Variants in NRIP2 observed in about 807,000 individuals in gnomAD.
NRIP2 encodes nuclear receptor-interacting protein 2.
In NRIP2, 27 loss-of-function variants were observed where a neutral mutation model predicts 34.1. The observed-to-expected ratio is 0.79, with a 90% CI of 0.58 to 1.09. NRIP2 has a LOEUF of 1.09. NRIP2 is among the 50% of genes least tolerant of loss of function. The pLI, the probability that NRIP2 is intolerant of heterozygous loss-of-function variation, is 0.00. For synonymous variants in NRIP2, 145 were observed against 146.9 expected (o/e 0.99, Z 0.09); for missense variants, 385 against 352.6 (o/e 1.09, Z -0.74).
chr12:2,827,134 A>G lies in NRIP2; in HGVS notation c.*73T>C. On this transcript the variant is annotated 3_prime_UTR_variant, in exon 6 of 6. Coordinates refer to ENST00000337508, the MANE Select transcript of NRIP2 (RefSeq NM_031474.3). The surrounding 1 kb of genome is among the most constrained non-coding windows in gnomAD (Gnocchi z 4.0). ...CATAGTCCCCAGCTACCTGGCTTCA[A>G]GAGCCCCCGTTCCCCACACGCCTCT... is the stretch of plus-strand genomic sequence containing the variant. 6.2e-7 allele frequency: 1 copy of G among 1,603,880 alleles called. No homozygotes were observed. The highest frequency in any genetic ancestry group is 8.5e-7 in the Non-Finnish European group (1 of 1,176,198).
intron 2 of NRIP2, among the ~76,000 whole-genome samples, chr12:2,829,298 T>TAGAC (rs10657946): frequency 0.31 from 47,269 of 151,806 alleles, 9,457 homozygotes; most frequent in African/African-American, 0.56. Context: ...CTTTGGGACA[T>TAGAC]AGACATTTTG....
At chr12:2,832,847 T>G (rs558455547) in intron 1 of NRIP2, among the ~76,000 whole-genome samples, 38 of 150,998 alleles carry the variant, frequency 2.5e-4, no homozygotes, top group Non-Finnish European at 5.5e-4. Context: ...GGGATTGTTT[T>G]TCTACCCTTA....
rs1603483776 is a variant in NRIP2 at position 2,827,692 on chromosome 12, T to G, written c.701-15A>C. The G allele has an allele frequency of 6.2e-7, 1 of 1,613,866 alleles. No homozygotes were observed. The highest frequency in any genetic ancestry group is 8.5e-7 in the Non-Finnish European group (1 of 1,180,046). On this transcript the variant is annotated splice_polypyrimidine_tract_variant and intron_variant, in intron 4 of 5. Coordinates refer to ENST00000337508, the MANE Select transcript of NRIP2 (RefSeq NM_031474.3). The surrounding 1 kb of genome is among the most constrained non-coding windows in gnomAD (Gnocchi z 4.0). Reference sequence around the variant, plus strand: ...ACTCTCAGCATCTATAGGAACAATTTGAAAACAGAAGAGGCTGAGGGTTCC... The same window carrying G: ...ACTCTCAGCATCTATAGGAACAATTGGAAAACAGAAGAGGCTGAGGGTTCC...
In NRIP2 at chr12:2,830,727, G is replaced by A; in HGVS notation, c.476C>T (p.Ala159Val). 6.2e-7 allele frequency: 1 copy of A among 1,612,912 alleles called. No homozygotes were observed. Among genetic ancestry groups the A allele is most frequent in the Non-Finnish European group, 8.5e-7 (1 of 1,179,462 alleles). ...RRKTSRTEIP[A>V]LLVNCKCQDQ... The stretch of plus-strand genomic sequence containing the variant: ...TCTCACCTTGCAGTTGACCAGAAGA[G>A]CTGGAATCTCTGTCCTGCTGGTCTT... Residue 159 changes from alanine (A) to valine (V), a missense_variant, in exon 2 of 6, where the codon GCT becomes GTT. Physicochemically the swap from Ala to Val is moderately conservative, Grantham distance 64. Coordinates refer to ENST00000337508, the MANE Select transcript of NRIP2 (RefSeq NM_031474.3).
Position 2,827,816 on chromosome 12 carries a change from A to C in NRIP2, c.700+110T>G. ...GGCACAGAGATGGGGGATAGTCAGA[A>C]CATCTCTGGGAACTCCTCGTGCTGC... On this transcript the variant is annotated intron_variant, in intron 4 of 5. Coordinates refer to ENST00000337508, the MANE Select transcript of NRIP2 (RefSeq NM_031474.3). The surrounding 1 kb of genome is among the most constrained non-coding windows in gnomAD (Gnocchi z 4.0). The C allele has an allele frequency of 6.2e-7, 1 of 1,603,374 alleles. No individual in the cohort carries two copies. The highest frequency in any genetic ancestry group is 8.5e-7 in the Non-Finnish European group (1 of 1,175,294).
At chr12:2,828,305 A>G in intron 3 of NRIP2, 27 bp downstream of exon 3, 1 of 1,600,742 alleles carries the variant, frequency 6.2e-7, no homozygotes. Context: ...CCTGTCCCCC[A>G]CTTGCTTGTT....
In NRIP2 at chr12:2,826,904, C is replaced by G. The variant is rs2097969834; in HGVS notation, c.*303G>C. ...CCTTCGACCCAGCCCAAGCAGGCAC[C>G]CCATTGTGCTTAGGTTCCTATCTGT... On this transcript the variant is annotated 3_prime_UTR_variant, in exon 6 of 6. Coordinates refer to ENST00000337508, the MANE Select transcript of NRIP2 (RefSeq NM_031474.3). 1 of 1,036,324 alleles carries G rather than the reference C, an allele frequency of 9.6e-7. No individual in the cohort carries two copies. Among genetic ancestry groups the G allele is most frequent in the East Asian group, 5.9e-5 (1 of 16,992 alleles). 64.2% of individuals were successfully genotyped at this position (1,036,324 alleles called of 1,614,324 possible).
intron 1 of NRIP2, among the ~76,000 whole-genome samples, chr12:2,832,785 C>T (rs985134281): frequency 1.3e-5 from 2 of 149,878 alleles, no homozygotes; most frequent in Admixed American, 1.3e-4. Context: ...CAGACTGACT[C>T]TTCCCCCAGG....
chr12:2,827,061 G>C lies in NRIP2; in HGVS notation c.*146C>G. The stretch of plus-strand genomic sequence containing the variant: ...AGCAGAGAGGAATGCGGCCAGCTGG[G>C]GAAAATGGGACAGCAGGGGTCAGGG... On this transcript the variant is annotated 3_prime_UTR_variant, in exon 6 of 6. Transcript: ENST00000337508. The surrounding 1 kb of genome is among the most constrained non-coding windows in gnomAD (Gnocchi z 4.0). The C allele has an allele frequency of 6.7e-7, 1 of 1,482,360 alleles. No individual in the cohort carries two copies. The highest frequency in any genetic ancestry group is 8.9e-7 in the Non-Finnish European group (1 of 1,125,006). 91.8% of individuals were successfully genotyped at this position (1,482,360 alleles called of 1,614,324 possible). A position where few individuals can be genotyped will look rare whatever the true frequency, so the allele number is the denominator to read the frequency against.
rs1164245695 is a variant in NRIP2 at position 2,826,643 on chromosome 12, G to A, written c.*564C>T. Reference sequence around the variant, plus strand: ...GATGGACATTCCTATACTAACTCCCGCTCTTTGTTGTATTGAATTCTGGCT... The same window carrying A: ...GATGGACATTCCTATACTAACTCCCACTCTTTGTTGTATTGAATTCTGGCT... On this transcript the variant is annotated 3_prime_UTR_variant, in exon 6 of 6. Coordinates refer to ENST00000337508, the MANE Select transcript of NRIP2 (RefSeq NM_031474.3). 1.3e-5 allele frequency: 2 copies of A among 157,340 alleles called. No individual in the cohort carries two copies. Among genetic ancestry groups the A allele is most frequent in the South Asian group, 1.9e-4 (1 of 5,172 alleles). 9.7% of individuals were successfully genotyped at this position (157,340 alleles called of 1,614,324 possible).
At chr12:2,832,787 TC>T (rs2098010119) in intron 1 of NRIP2, among the ~76,000 whole-genome samples, 1 of 149,170 alleles carries the variant, frequency 6.7e-6, no homozygotes, top group South Asian at 2.2e-4. Context: ...GACTGACTCT[TC>T]CCCCAGGCTC....
intron 1 of NRIP2, among the ~76,000 whole-genome samples, 163 bp downstream of exon 1, chr12:2,834,479 G>C (rs900043319): frequency 6.6e-6 from 1 of 152,168 alleles, no homozygotes; most frequent in East Asian, 1.9e-4. Flanking sequence ...GAACATCCCC[G>C]GTGAAGAGCC....
intron 2 of NRIP2, among the ~76,000 whole-genome samples, chr12:2,828,964 T>C (rs1313291648): frequency 6.6e-6 from 1 of 151,964 alleles, no homozygotes; most frequent in Admixed American, 6.6e-5. Context: ...TCTAGCACTT[T>C]GGAGGCAAGA....
Position 2,834,704 on chromosome 12 carries a change from T to C in NRIP2, c.280A>G (p.Lys94Glu), listed in dbSNP as rs1313413265. The part of the protein sequence containing the change: ...RLKQATQFLH[K>E]DSADLLPLDS... Reference sequence around the variant, plus strand: ...AGCGGGAGCAGGTCGGCCGAGTCCTTGTGCAGGAACTGGGTGGCCTGTTTG... The same window carrying C: ...AGCGGGAGCAGGTCGGCCGAGTCCTCGTGCAGGAACTGGGTGGCCTGTTTG... Residue 94 changes from lysine (K) to glutamate (E), a missense_variant, in exon 1 of 6, where the codon AAG becomes GAG. Transcript: ENST00000337508. 6.2e-7 allele frequency: 1 copy of C among 1,613,784 alleles called. No homozygotes were observed. The highest frequency in any genetic ancestry group is 8.5e-7 in the Non-Finnish European group (1 of 1,179,978).
At position 2,827,825 on chromosome 12, in the gene NRIP2, G is replaced by A. The variant is rs557861122; in HGVS notation, c.700+101C>T. On this transcript the variant is annotated intron_variant, in intron 4 of 5. Transcript: ENST00000337508. The surrounding 1 kb of genome is among the most constrained non-coding windows in gnomAD (Gnocchi z 4.0). ...ATGGGGGATAGTCAGAACATCTCTGGGAACTCCTCGTGCTGCAGGGAGTGA... is the reference window on the plus strand; with the variant it reads ...ATGGGGGATAGTCAGAACATCTCTGAGAACTCCTCGTGCTGCAGGGAGTGA... 1.9e-6 allele frequency: 3 copies of A among 1,604,134 alleles called. No individual in the cohort carries two copies. Among genetic ancestry groups the A allele is most frequent in the East Asian group, 2.2e-5 (1 of 44,808 alleles).
intron 2 of NRIP2, 43 bp downstream of exon 2, chr12:2,830,665 G>A: frequency 6.3e-7 from 1 of 1,576,668 alleles, no homozygotes; most frequent in Non-Finnish European, 8.6e-7. Flanking sequence ...AGTGAGTGCA[G>A]GCAGGGTTGT....
At chr12:2,833,826 A>G (rs1306762083) in intron 1 of NRIP2, among the ~76,000 whole-genome samples, 1 of 152,154 alleles carries the variant, frequency 6.6e-6, no homozygotes, top group Non-Finnish European at 1.5e-5. Context: ...CAATCCTATG[A>G]TTGATTTGAT....
intron 1 of NRIP2, among the ~76,000 whole-genome samples, chr12:2,834,093 T>C (rs1038020269): frequency 4.3e-4 from 66 of 152,232 alleles, no homozygotes; most frequent in African/African-American, 1.5e-3. Flanking sequence ...GCCTGGAAGG[T>C]CCATTCCACT....
Position 2,827,604 on chromosome 12 carries a change from G to C in NRIP2, c.753+21C>G. Reference sequence around the variant, plus strand: ...TACTTTTTCCCAGTGCTTTGGGTCAGGCCCTGAGTGGGTGCCTTACCTTGA... The same window carrying C: ...TACTTTTTCCCAGTGCTTTGGGTCACGCCCTGAGTGGGTGCCTTACCTTGA... On this transcript the variant is annotated intron_variant, in intron 5 of 5. Coordinates refer to ENST00000337508, the MANE Select transcript of NRIP2 (RefSeq NM_031474.3). The surrounding 1 kb of genome is among the most constrained non-coding windows in gnomAD (Gnocchi z 4.0). 1 of 1,614,200 alleles carries C rather than the reference G, an allele frequency of 6.2e-7. No individual in the cohort carries two copies. Among genetic ancestry groups the C allele is most frequent in the Admixed American group, 1.7e-5 (1 of 60,026 alleles).
Sources: gnomAD v4.1 joint callset for allele counts (sites outside exome capture counted in the v4.1 genomes callset) on GRCh38, gnomAD v4.1.1 for gene constraint, Gnocchi (gnomAD v3.1) non-coding constraint, MANE v1.5 for transcripts, NCBI Gene and HGNC (gene_info 2026-07-23, HGNC 2026-07-21) for gene names.